Variants in SYT2 observed in about 807,000 individuals in gnomAD.
The protein encoded by SYT2 is synaptotagmin 2.
In SYT2, 15 loss-of-function variants were observed where a neutral mutation model predicts 39.9. The observed-to-expected ratio is 0.38, with a 90% CI of 0.25 to 0.58. The LOEUF is 0.58. Among genes scored for constraint, SYT2 ranks in the 20% least tolerant of loss-of-function variants. The probability of loss-of-function intolerance (pLI) is 0.70; values close to 1 mark genes in which losing one functional copy is unlikely to be tolerated. For missense variants in SYT2, 389 were observed against 530.3 expected, an observed-to-expected ratio of 0.73 and a Z score of 2.62; for synonymous variants, 181 against 204.5, an observed-to-expected ratio of 0.89 and a Z score of 0.98.
intron 2 of SYT2, chr1:202,605,254 C>G (rs1690663013): frequency 5.2e-6 from 1 of 193,072 alleles, no homozygotes; most frequent in South Asian, 1.3e-4. Flanking sequence ...TATTTTCTAT[C>G]TTCCAAAATA....
intron 1 of SYT2, among the ~76,000 whole-genome samples, chr1:202,648,608 G>A (rs950414202): frequency 2.6e-5 from 4 of 152,186 alleles, no homozygotes; most frequent in Non-Finnish European, 5.9e-5. Flanking sequence ...AGCTGAGACT[G>A]AGATGCATAC....
chr1:202,621,038 G>T (rs1165781671), intron 1 of SYT2, among the ~76,000 whole-genome samples: 1 of 152,158 alleles, frequency 6.6e-6, no homozygotes, highest in Non-Finnish European at 1.5e-5. Context: ...ATGTATGCTT[G>T]TATGCTTCTA....
intron 1 of SYT2, among the ~76,000 whole-genome samples, chr1:202,637,488 C>T (rs1254367193): frequency 6.6e-6 from 1 of 152,228 alleles, no homozygotes; most frequent in Admixed American, 6.5e-5. Context: ...ACCCAGGCGC[C>T]ATGTGCTGGG....
chr1:202,600,365 C>G lies in SYT2; in HGVS notation c.911G>C (p.Gly304Ala). Residue 304 changes from glycine to alanine, a missense_variant, in exon 7 of 9, where the codon GGC (glycine) becomes GCC (alanine). By Grantham distance (60) the Gly-to-Ala change is moderately conservative. This residue lies in a region of SYT2 where 21 missense variants were observed against 47.0 expected (regional missense o/e 0.45). Transcript: ENST00000367268. ...AKNLKKMDVG[G>A]LSDPYVKIHL... ...AGAAGCTCTCCACGTACCTGAAAGG[C>G]CGCCCACGTCCATCTTCTTGAGGTT... 1.9e-6 allele frequency: 3 copies of G among 1,614,036 alleles called. No individual in the cohort carries two copies. Among genetic ancestry groups the G allele is most frequent in the Non-Finnish European group, 2.5e-6 (3 of 1,179,922 alleles).
rs377360605 is a variant in SYT2 at position 202,606,289 on chromosome 1, G to C, written c.-17-500C>G. On this transcript the variant is annotated intron_variant, in intron 1 of 8. Transcript: ENST00000367268. The stretch of plus-strand genomic sequence containing the variant: ...GCTGTAAGTTCTGAAACTGAGGTTT[G>C]AACTGGTCTGCCCAACTCCAGAGCC... Among the ~76,000 whole-genome samples, 3 of 152,234 alleles carry C rather than the reference G, an allele frequency of 2.0e-5. No homozygotes were observed. In the East Asian group the frequency reaches 5.8e-4, roughly 29 times the overall value.
At chr1:202,702,118 C>T (rs1468115690) in intron 1 of SYT2, among the ~76,000 whole-genome samples, 1 of 152,160 alleles carries the variant, frequency 6.6e-6, no homozygotes, top group Non-Finnish European at 1.5e-5. Context: ...TGGTGAGGAC[C>T]TGGGCTTCTA....
rs1486957779 is a variant in SYT2, at chr1:202,710,316, G to T, written c.-76C>A. ...GGGGTCTCCAATGTGAGGGGGCGTC[G>T]GACGGCAAGGACGCGTGGCTGGCGA... On this transcript the variant is annotated 5_prime_UTR_variant, in exon 1 of 9. Coordinates refer to ENST00000367268, the MANE Select transcript of SYT2 (RefSeq NM_177402.5). 6.6e-6 allele frequency: 1 copy of T among 152,248 alleles called. No homozygotes were observed. Among genetic ancestry groups the T allele is most frequent in the Non-Finnish European group, 1.5e-5 (1 of 68,096 alleles). 9.4% of individuals were successfully genotyped at this position (152,248 alleles called of 1,614,324 possible).
At chr1:202,677,032 G>A (rs75240284) in intron 1 of SYT2, among the ~76,000 whole-genome samples, 2,442 of 152,168 alleles carry the variant, frequency 0.016, 65 homozygotes, top group African/African-American at 0.055. Context: ...CTCTGGCCAT[G>A]TGAATACAGT....
At chr1:202,635,196 T>C (rs1469183459) in intron 1 of SYT2, among the ~76,000 whole-genome samples, 1 of 152,144 alleles carries the variant, frequency 6.6e-6, no homozygotes, top group Non-Finnish European at 1.5e-5. Flanking sequence ...GAACCTGATT[T>C]TGGACTTTGT....
chr1:202,624,999 C>T (rs2149086100), intron 1 of SYT2, among the ~76,000 whole-genome samples: 1 of 7,626 alleles, frequency 1.3e-4, no homozygotes, highest in East Asian at 3.6e-3. Context: ...TGGTGTGTGT[C>T]TTTGTGGTGT....
At chr1:202,689,562 T>C (rs966833566) in intron 1 of SYT2, among the ~76,000 whole-genome samples, 4 of 152,146 alleles carry the variant, frequency 2.6e-5, no homozygotes, top group Admixed American at 6.5e-5. Flanking sequence ...ACTAGCCGTG[T>C]GACCTCAGGC....
chr1:202,634,165 G>A (rs6427959), intron 1 of SYT2, among the ~76,000 whole-genome samples: 44,709 of 152,122 alleles, frequency 0.29, 7,386 homozygotes, highest in African/African-American at 0.44. Context: ...ATAATTAAAG[G>A]AGACTATCCA....
chr1:202,636,617 C>G (rs1691746262), intron 1 of SYT2: 1 of 152,870 alleles, frequency 6.5e-6, no homozygotes, highest in South Asian at 2.1e-4. Context: ...CTCATCAAAG[C>G]CAATCATATC....
intron 1 of SYT2, among the ~76,000 whole-genome samples, chr1:202,647,859 T>C (rs114382913): frequency 6.7e-6 from 1 of 148,536 alleles, no homozygotes; most frequent in Non-Finnish European, 1.5e-5. Flanking sequence ...CACTGAGCCA[T>C]GGGAGCAGCA....
intron 1 of SYT2, among the ~76,000 whole-genome samples, chr1:202,664,990 T>C (rs1342806104): frequency 6.6e-6 from 1 of 152,256 alleles, no homozygotes; most frequent in Non-Finnish European, 1.5e-5. Flanking sequence ...GATTCATTCA[T>C]GTCGTTACAG....
intron 1 of SYT2, among the ~76,000 whole-genome samples, chr1:202,678,316 T>C (rs887661391): frequency 7.5e-6 from 1 of 132,752 alleles, no homozygotes; most frequent in African/African-American, 2.9e-5. Flanking sequence ...TAAAATAAAA[T>C]GGATGCTTGT....
chr1:202,677,608 A>C (rs1271888816), intron 1 of SYT2, among the ~76,000 whole-genome samples: 1 of 152,236 alleles, frequency 6.6e-6, no homozygotes, highest in Non-Finnish European at 1.5e-5. Context: ...CCAAAGAAAC[A>C]GACACCATGT....
Position 202,602,996 on chromosome 1 carries a change from T to G in SYT2, c.465+3A>C. 1 of 1,558,042 alleles carries G rather than the reference T, an allele frequency of 6.4e-7. No individual in the cohort carries two copies. Among genetic ancestry groups the G allele is most frequent in the South Asian group, 1.1e-5 (1 of 90,066 alleles). On this transcript the variant is annotated splice_donor_region_variant and intron_variant, in intron 4 of 8. Transcript: ENST00000367268. ...CACTCTGCCCCCCCACAGCCCTGCA[T>G]ACCTGATTAGCCTGAAAATCATAGT...
chr1:202,613,370 C>T (rs970477280), intron 1 of SYT2, among the ~76,000 whole-genome samples: 1 of 152,100 alleles, frequency 6.6e-6, no homozygotes, highest in African/African-American at 2.4e-5. Context: ...CATCAGCCAC[C>T]GCGTTCAGCC....
Sources: gnomAD v4.1 joint callset for allele counts (sites outside exome capture counted in the v4.1 genomes callset) on GRCh38, gnomAD v4.1.1 for gene constraint, gnomAD v4.1.1 regional missense constraint, MANE v1.5 for transcripts, NCBI Gene and HGNC (gene_info 2026-07-23, HGNC 2026-07-21) for gene names.